GAS6: variants seen among roughly 807,000 people sequenced by gnomAD.
GAS6 encodes the protein growth arrest-specific protein 6.
Under a neutral mutation model 75.8 loss-of-function variants are expected in GAS6, and 41 were observed. The observed-to-expected ratio is 0.54, with a 90% confidence interval of 0.42 to 0.70. The LOEUF is 0.70. Ranked by LOEUF, GAS6 falls within the 30% of genes least tolerant of loss-of-function variation. The pLI is 0.00. For synonymous variants in GAS6, 432 were observed against 412.6 expected (o/e 1.05, Z -0.57); for missense variants, 854 against 940.2 (o/e 0.91, Z 1.20).
At chr13:113,821,186 G>A (rs1383959001) in intron 14 of GAS6, 168 bp from the exon 15 acceptor site, 19 of 695,934 alleles carry the variant, frequency 2.7e-5, no homozygotes, top group Admixed American at 5.4e-5. Context: ...CCGCAGACCC[G>A]GCAGACAAGC....
rs557543205 is a variant in GAS6 at position 113,861,910 on chromosome 13, C to A, written c.255+1665G>T. ...AAGAAGCCGACAGAGGCTGCTGGGG[C>A]CAGGCTGTGAGAGGATGGGAGGGAT... On this transcript the variant is annotated intron_variant, in intron 2 of 14. Coordinates refer to ENST00000327773, the MANE Select transcript of GAS6 (RefSeq NM_000820.4). Among the ~76,000 whole-genome samples, 4 of 152,262 alleles carry A rather than the reference C, an allele frequency of 2.6e-5. No homozygotes were observed. The South Asian group carries it at 8.3e-4, about 32-fold the overall frequency.
intron 12 of GAS6, among the ~76,000 whole-genome samples, chr13:113,825,629 T>C (rs1243235704): frequency 1.3e-5 from 2 of 152,242 alleles, no homozygotes; most frequent in African/African-American, 2.4e-5. Context: ...GAAATGTGTA[T>C]GATATTAAGT....
At chr13:113,828,510 C>T (rs989361420) in intron 11 of GAS6, 37 bp downstream of exon 11, 2 of 1,585,494 alleles carry the variant, frequency 1.3e-6, no homozygotes, top group Admixed American at 1.7e-5. Context: ...GATCCCAGCA[C>T]ACGGCGCGTC....
At chr13:113,859,155 T>C (rs945536708) in intron 2 of GAS6, among the ~76,000 whole-genome samples, 8 of 150,538 alleles carry the variant, frequency 5.3e-5, no homozygotes, top group Non-Finnish European at 1.0e-4. Flanking sequence ...TGTGTGCATG[T>C]ATGTGTACAT....
intron 2 of GAS6, among the ~76,000 whole-genome samples, chr13:113,855,831 C>T (rs1477577360): frequency 6.6e-6 from 1 of 152,232 alleles, no homozygotes; most frequent in African/African-American, 2.4e-5. Context: ...CAGGCTTCTC[C>T]TCCAGCTTTA....
chr13:113,834,677 C>T lies in GAS6; in HGVS notation c.713-5G>A. 6.5e-7 allele frequency: 1 copy of T among 1,550,362 alleles called. No individual in the cohort carries two copies. The highest frequency in any genetic ancestry group is 8.7e-7 in the Non-Finnish European group (1 of 1,145,146). ...CCTGCAGACACTCGTCCACATCTGC[C>T]AGCCAGAGGGAAGCGGCGGTGAGCC... On this transcript the variant is annotated splice_polypyrimidine_tract_variant and splice_region_variant and intron_variant, in intron 7 of 14. Coordinates refer to ENST00000327773, the MANE Select transcript of GAS6 (RefSeq NM_000820.4).
intron 2 of GAS6, among the ~76,000 whole-genome samples, chr13:113,860,505 C>G (rs1485176990): frequency 6.6e-6 from 1 of 152,178 alleles, no homozygotes; most frequent in Non-Finnish European, 1.5e-5. Flanking sequence ...TCAGCAGGCC[C>G]TGGAACCTGA....
intron 10 of GAS6, among the ~76,000 whole-genome samples, chr13:113,829,191 G>A (rs1310258579): frequency 1.3e-5 from 1 of 78,984 alleles, no homozygotes; most frequent in Non-Finnish European, 2.3e-5. Context: ...CCGATCTCAG[G>A]GAGACCACCT....
chr13:113,827,621 G>A (rs527546888), intron 11 of GAS6, among the ~76,000 whole-genome samples: 6 of 151,646 alleles, frequency 4.0e-5, no homozygotes, highest in South Asian at 2.1e-4. Context: ...CGAAGGTCCC[G>A]GCACCAGGCA....
At chr13:113,841,627 C>T (rs2051779789) in intron 4 of GAS6, 1 of 163,434 alleles carries the variant, frequency 6.1e-6, no homozygotes, top group African/African-American at 2.6e-5. Flanking sequence ...CCATACACCC[C>T]ACAGTTTCCT....
At chr13:113,852,288 C>T (rs952805396) in intron 2 of GAS6, among the ~76,000 whole-genome samples, 8 of 152,234 alleles carry the variant, frequency 5.3e-5, no homozygotes, top group Non-Finnish European at 1.2e-4. Context: ...AAAGATTGGA[C>T]GTCCCCGTGC....
Position 113,838,053 on chromosome 13 carries a change from CACCCCAGGGCCTT to C in GAS6, c.589+3_589+15del. On this transcript the variant is annotated splice_donor_5th_base_variant and intron_variant, in intron 6 of 14. Coordinates refer to ENST00000327773, the MANE Select transcript of GAS6 (RefSeq NM_000820.4). ...GGGAGAGGAGAGAGGAGAGAGGCCT[CACCCCAGGGCCTT>C]ACCTTGGCAGGTCCTGCCATCAGAG... 6.2e-7 allele frequency: 1 copy of C among 1,611,488 alleles called. No homozygotes were observed.
intron 2 of GAS6, among the ~76,000 whole-genome samples, chr13:113,861,276 G>C (rs1239838032): frequency 6.6e-6 from 1 of 152,110 alleles, no homozygotes; most frequent in Non-Finnish European, 1.5e-5. Flanking sequence ...ACTAACGGCG[G>C]CCAGGCACTT....
At position 113,838,140 on chromosome 13, in the gene GAS6, T is replaced by C; in HGVS notation, c.518A>G (p.Asn173Ser). 1 of 1,612,916 alleles carries C rather than the reference T, an allele frequency of 6.2e-7. No homozygotes were observed. The highest frequency in any genetic ancestry group is 1.1e-5 in the South Asian group (1 of 91,084). ...GGAACAGTGGAAGCTACCCGGCTTG[T>C]TGTGGCAGATCTGGAGGCAGCCCCC... Reference protein sequence around the residue: ...ENGGCLQICHNKPGSFHCSCH... With the variant: ...ENGGCLQICHSKPGSFHCSCH... Residue 173 changes from asparagine to serine, a missense_variant, in exon 6 of 15, where the codon AAC becomes AGC. Asn to Ser is a conservative substitution (Grantham distance 46). Coordinates refer to ENST00000327773, the MANE Select transcript of GAS6 (RefSeq NM_000820.4).
In GAS6 at chr13:113,842,994, G is replaced by T. The variant is rs531282873; in HGVS notation, c.344-3144C>A. The T allele has an allele frequency of 1.5e-5, 6 of 395,534 alleles. 1 individual carries two copies. Among genetic ancestry groups the T allele is most frequent in the African/African-American group, 1.3e-4 (6 of 47,206 alleles). The allele number at this position is 395,534 out of a possible 1,614,324, so 24.5% of individuals were successfully genotyped here. A position where few individuals can be genotyped will look rare whatever the true frequency, so the allele number is the denominator to read the frequency against. ...CCCCAACTCATTTGTTTATTTCCCTGTTGGGAATGTATTGATACCTCTAGG... is the reference window on the plus strand; with the variant it reads ...CCCCAACTCATTTGTTTATTTCCCTTTTGGGAATGTATTGATACCTCTAGG... On this transcript the variant is annotated intron_variant, in intron 4 of 14. Coordinates refer to ENST00000327773, the MANE Select transcript of GAS6 (RefSeq NM_000820.4).
intron 4 of GAS6, chr13:113,843,482 CCGCTGCCTG>C (rs1381393351): frequency 6.6e-6 from 1 of 151,264 alleles, no homozygotes; most frequent in East Asian, 1.9e-4. Flanking sequence ...GGCTCAGTGA[CCGCTGCCTG>C]GGCCACCGCC....
At chr13:113,825,149 C>T (rs556873620) in intron 12 of GAS6, among the ~76,000 whole-genome samples, 83 of 135,660 alleles carry the variant, frequency 6.1e-4, no homozygotes, top group African/African-American at 2.1e-3. Context: ...ACCTGGGAGG[C>T]GGAGGTTGTG....
Position 113,864,050 on chromosome 13 carries a change from GGCT to G in GAS6, c.-133_-131del. 8.8e-6 allele frequency: 8 copies of G among 914,262 alleles called. No individual in the cohort carries two copies. The African/African-American group carries it at 1.3e-4, about 14-fold the overall frequency. 56.6% of individuals were successfully genotyped at this position (914,262 alleles called of 1,614,324 possible). The stretch of plus-strand genomic sequence containing the variant: ...ACATCGCGGCGGCGGCGGCGGCGGC[GGCT>G]GCGGCACCTCAAGCGCTCGGTCTGG... On this transcript the variant is annotated 5_prime_UTR_variant, in exon 1 of 15. Transcript: ENST00000327773.
At position 113,848,696 on chromosome 13, in the gene GAS6, C is replaced by G. The variant is rs2051851786; in HGVS notation, c.256-646G>C. Among the ~76,000 whole-genome samples, 1 of 152,184 alleles carries G rather than the reference C, an allele frequency of 6.6e-6. No individual in the cohort carries two copies. On this transcript the variant is annotated intron_variant, in intron 2 of 14. Coordinates refer to ENST00000327773, the MANE Select transcript of GAS6 (RefSeq NM_000820.4). The surrounding 1 kb of genome is among the most constrained non-coding windows in gnomAD (Gnocchi z 4.8). Reference sequence around the variant, plus strand: ...CCTCCAATCTCCAGCTTAGGGTCAACCATGCCAGCAGTTTGGCCCTAAATG... The same window carrying G: ...CCTCCAATCTCCAGCTTAGGGTCAAGCATGCCAGCAGTTTGGCCCTAAATG...
Sources: allele counts gnomAD v4.1 joint callset (sites outside exome capture counted in the v4.1 genomes callset), GRCh38; gene constraint gnomAD v4.1.1; non-coding constraint Gnocchi (gnomAD v3.1); transcripts MANE v1.5; gene names NCBI Gene and HGNC (gene_info 2026-07-23, HGNC 2026-07-21).